Variants in ATP5PB observed in about 807,000 individuals in gnomAD.
ATP5PB encodes the protein ATP synthase peripheral stalk subunit b, mitochondrial.
Under a neutral mutation model 34.5 loss-of-function variants are expected in ATP5PB, and 21 were observed. That is an observed-to-expected ratio of 0.61 (90% CI 0.43 to 0.88). The LOEUF (loss-of-function observed/expected upper bound fraction) is 0.88. Ranked by LOEUF, ATP5PB falls within the 40% of genes least tolerant of loss-of-function variation. ATP5PB has a pLI of 0.00. For synonymous variants in ATP5PB, 108 were observed against 114.1 expected, an observed-to-expected ratio of 0.95 and a Z score of 0.34; for missense variants, 293 against 317.4, an observed-to-expected ratio of 0.92 and a Z score of 0.58.
intron 4 of ATP5PB, among the ~76,000 whole-genome samples, 177 bp downstream of exon 4, chr1:111,456,426 T>C (rs868071920): frequency 4.0e-4 from 61 of 152,252 alleles, no homozygotes; most frequent in African/African-American, 1.4e-3. Context: ...CTAAACACTT[T>C]AGCTTTTCTA....
chr1:111,456,336 A>C, intron 4 of ATP5PB, 87 bp downstream of exon 4: 1 of 1,330,116 alleles, frequency 7.5e-7, no homozygotes, highest in Non-Finnish European at 1.0e-6. Context: ...GTGTTAGGGG[A>C]GCAACATATA....
At chr1:111,459,411 C>A in intron 5 of ATP5PB, 46 bp from the exon 6 acceptor site, 1 of 1,538,996 alleles carries the variant, frequency 6.5e-7, no homozygotes, top group Non-Finnish European at 8.8e-7. Context: ...AGAAGTATTC[C>A]TTCAAGTATA....
intron 2 of ATP5PB, among the ~76,000 whole-genome samples, chr1:111,452,418 C>T (rs1206081755): frequency 6.6e-6 from 1 of 151,404 alleles, no homozygotes; most frequent in African/African-American, 2.4e-5. Flanking sequence ...AAAAAAATAG[C>T]TGGGTGTGGT....
chr1:111,460,547 T>C (rs1271518893), intron 6 of ATP5PB, among the ~76,000 whole-genome samples: 1 of 152,084 alleles, frequency 6.6e-6, no homozygotes, highest in African/African-American at 2.4e-5. Context: ...TTATTTTCAT[T>C]CTTAACATTT....
intron 3 of ATP5PB, among the ~76,000 whole-genome samples, chr1:111,455,176 C>A (rs942532104): frequency 6.6e-6 from 1 of 151,966 alleles, no homozygotes; most frequent in Non-Finnish European, 1.5e-5. Flanking sequence ...GCCCTGGAGT[C>A]ACCTAAAGTA....
At chr1:111,450,931 A>G (rs1485648417) in intron 2 of ATP5PB, among the ~76,000 whole-genome samples, 1 of 152,192 alleles carries the variant, frequency 6.6e-6, no homozygotes, top group Non-Finnish European at 1.5e-5. Flanking sequence ...TTCACACTCC[A>G]TGTCCAGTAC....
intron 2 of ATP5PB, among the ~76,000 whole-genome samples, chr1:111,453,682 CAT>C (rs1653392031): frequency 6.6e-6 from 1 of 152,314 alleles, no homozygotes; most frequent in South Asian, 2.1e-4. Flanking sequence ...ACATATCAGG[CAT>C]ATAATAGCTA....
chr1:111,455,944 T>G (rs1165224147), intron 3 of ATP5PB, 142 bp from the exon 4 acceptor site: 3 of 659,394 alleles, frequency 4.5e-6, no homozygotes, highest in Admixed American at 3.3e-5. Flanking sequence ...TCTACCATAC[T>G]GCTTCCCAAT....
At chr1:111,449,931 A>G (rs1653265532) in intron 2 of ATP5PB, 58 bp downstream of exon 2, 15 of 1,606,168 alleles carry the variant, frequency 9.3e-6, no homozygotes, top group Non-Finnish European at 1.3e-5. Flanking sequence ...TTATTTCCCG[A>G]TTCCTGCCCC....
chr1:111,458,861 CT>C (rs535821556), intron 5 of ATP5PB, among the ~76,000 whole-genome samples: 2 of 152,102 alleles, frequency 1.3e-5, no homozygotes, highest in Non-Finnish European at 2.9e-5. Context: ...TAATTTCTGC[CT>C]CAGTTTCCTC....
Position 111,454,249 on chromosome 1 carries a change from C to T in ATP5PB, c.116C>T (p.Pro39Leu), listed in dbSNP as rs1479338101. The T allele has an allele frequency of 1.2e-6, 2 of 1,611,060 alleles. No individual in the cohort carries two copies. Among genetic ancestry groups the T allele is most frequent in the Non-Finnish European group, 1.7e-6 (2 of 1,179,048 alleles). ...ACAAGGACCTTTCATACAGGGCAGC[C>T]ACACCTTGTCCCTGTACCACCTCTT... is the stretch of plus-strand genomic sequence containing the variant. ...QATRTFHTGQ[P>L]HLVPVPPLPE... The change falls in exon 3 of 7, where the codon CCA (proline) becomes CTA (leucine). Residue 39 changes from proline (P) to leucine (L), a missense_variant. Coordinates refer to ENST00000369722, the MANE Select transcript of ATP5PB (RefSeq NM_001688.5).
At chr1:111,453,885 A>G (rs922323812) in intron 2 of ATP5PB, among the ~76,000 whole-genome samples, 4 of 152,258 alleles carry the variant, frequency 2.6e-5, no homozygotes, top group Admixed American at 6.5e-5. Context: ...TTTGAACTCA[A>G]GATGCCTATC....
rs556250340 is a variant in ATP5PB at position 111,449,810 on chromosome 1, G to A, written c.41-27G>A. 1.1e-4 allele frequency: 182 copies of A among 1,614,126 alleles called. 1 individual carries two copies. The South Asian group carries it at 1.9e-3, about 16-fold the overall frequency. ...GGCAAACCAGATTTCATTTGACTTTGCTGACCTTCGCCTTGTCTATCTGCA... is the reference window on the plus strand; with the variant it reads ...GGCAAACCAGATTTCATTTGACTTTACTGACCTTCGCCTTGTCTATCTGCA... On this transcript the variant is annotated intron_variant, in intron 1 of 6. Transcript: ENST00000369722.
intron 2 of ATP5PB, among the ~76,000 whole-genome samples, chr1:111,453,703 C>T (rs897826434): frequency 9.9e-5 from 15 of 152,194 alleles, no homozygotes; most frequent in Non-Finnish European, 1.9e-4. Flanking sequence ...TAACCACTTA[C>T]GTAGAACTTT....
At chr1:111,451,607 A>T (rs983144009) in intron 2 of ATP5PB, among the ~76,000 whole-genome samples, 2 of 152,128 alleles carry the variant, frequency 1.3e-5, no homozygotes. Flanking sequence ...TTAGCCCAAA[A>T]TGGGGGGAGG....
intron 6 of ATP5PB, 26 bp downstream of exon 6, chr1:111,459,662 ATGT>A: frequency 1.2e-6 from 2 of 1,608,172 alleles, no homozygotes; most frequent in Non-Finnish European, 8.5e-7. Flanking sequence ...GTAGGTTCTG[ATGT>A]TGTACTGGTA....
chr1:111,454,329 T>A lies in ATP5PB; in HGVS notation c.196T>A (p.Phe66Ile). The A allele has an allele frequency of 1.2e-6, 2 of 1,609,284 alleles. No individual in the cohort carries two copies. Among genetic ancestry groups the A allele is most frequent in the Non-Finnish European group, 1.7e-6 (2 of 1,178,458 alleles). ...ACTGATCCCTGAGGAATTCTTCCAG[T>A]TTCTTTATCCTAAAACTGGTGTAAC... Reference protein sequence around the residue: ...YGLIPEEFFQFLYPKTGVTGP... With the variant: ...YGLIPEEFFQILYPKTGVTGP... The change falls in exon 3 of 7, where the codon TTT becomes ATT. Residue 66 changes from phenylalanine (F) to isoleucine (I), a missense_variant. Coordinates refer to ENST00000369722, the MANE Select transcript of ATP5PB (RefSeq NM_001688.5).
At chr1:111,457,129 G>A (rs1195874353) in intron 5 of ATP5PB, among the ~76,000 whole-genome samples, 1 of 152,136 alleles carries the variant, frequency 6.6e-6, no homozygotes, top group East Asian at 1.9e-4. Context: ...TTTGCTGTAA[G>A]GAAATCTGAT....
At chr1:111,460,385 G>A (rs777039270) in intron 6 of ATP5PB, among the ~76,000 whole-genome samples, 1 of 142,958 alleles carries the variant, frequency 7.0e-6, no homozygotes, top group Non-Finnish European at 1.5e-5. Context: ...AAGTATTTCT[G>A]GTTGTTTTCA....
Sources: gnomAD v4.1 joint callset for allele counts (sites outside exome capture counted in the v4.1 genomes callset) on GRCh38, gnomAD v4.1.1 for gene constraint, MANE v1.5 for transcripts, NCBI Gene and HGNC (gene_info 2026-07-23, HGNC 2026-07-21) for gene names.